The following MOBP variants were observed in gnomAD, a reference collection of about 807,000 sequenced individuals.
MOBP encodes the protein myelin-associated oligodendrocyte basic protein.
MOBP carries 5 observed loss-of-function variants against 15.0 expected under a neutral mutation model. The observed-to-expected ratio is 0.33, with a 90% CI of 0.17 to 0.70. The LOEUF is 0.70. Ranked by LOEUF, MOBP falls within the 30% of genes least tolerant of loss-of-function variation. The pLI is 0.67. For missense variants in MOBP, 188 were observed against 257.8 expected (o/e 0.73, Z 1.85); for synonymous variants, 88 against 99.0 (o/e 0.89, Z 0.66).
chr3:39,520,596 CAGAG>C (rs527921592), downstream of MOBP, among the ~76,000 whole-genome samples: 27 of 134,858 alleles, frequency 2.0e-4, no homozygotes, highest in African/African-American at 6.6e-4. Context: ...GAGAGAGAGA[CAGAG>C]AGAGAGAGAA....
intron 1 of MOBP, among the ~76,000 whole-genome samples, chr3:39,478,169 T>A (rs2125629168): frequency 6.6e-6 from 1 of 152,334 alleles, no homozygotes; most frequent in South Asian, 2.1e-4. Context: ...AACTTTTGGG[T>A]CTGCAAGCTC....
intron 1 of MOBP, among the ~76,000 whole-genome samples, chr3:39,477,067 C>T (rs953359986): frequency 1.3e-5 from 2 of 152,060 alleles, no homozygotes; most frequent in African/African-American, 4.8e-5. Flanking sequence ...TTTATCTTTG[C>T]ATTTACTTCT....
chr3:39,509,701 T>C lies in MOBP; in HGVS notation c.*-3682T>C, dbSNP rs74963376. Among the ~76,000 whole-genome samples, 1,153 of 152,290 alleles carry C rather than the reference T, an allele frequency of 7.6e-3. 7 individuals carry two copies. The highest frequency in any genetic ancestry group is 0.035 in the East Asian group (184 of 5,184). On this transcript the variant is annotated intron_variant, in intron 4 of 4. Transcript: ENST00000311042. ...CAGTGTTTTGTGAAGAGCCAAAGTT[T>C]TGACAAAGTCAAATTTATCAAATTT...
chr3:39,468,826 C>A (rs2042393151), intron 1 of MOBP, among the ~76,000 whole-genome samples: 1 of 104,816 alleles, frequency 9.5e-6, no homozygotes, highest in Non-Finnish European at 1.7e-5. Flanking sequence ...ATACATATTA[C>A]ATATGTGTGT....
At chr3:39,495,640 C>A (rs1158750031) in intron 2 of MOBP, among the ~76,000 whole-genome samples, 2 of 150,032 alleles carry the variant, frequency 1.3e-5, no homozygotes, top group Admixed American at 1.3e-4. Flanking sequence ...GTAGTCCCAG[C>A]TACTTGAGAG....
intron 1 of MOBP, among the ~76,000 whole-genome samples, chr3:39,468,190 G>A (rs59636868): frequency 0.021 from 3,148 of 152,014 alleles, 115 homozygotes; most frequent in African/African-American, 0.071. Flanking sequence ...ATTTATGTGT[G>A]GGGGATCTTA....
intron 1 of MOBP, among the ~76,000 whole-genome samples, chr3:39,477,517 T>A (rs2042560411): frequency 6.6e-6 from 1 of 152,002 alleles, no homozygotes; most frequent in African/African-American, 2.4e-5. Flanking sequence ...CAGTACATAA[T>A]ACTTGGTAAT....
intron 1 of MOBP, among the ~76,000 whole-genome samples, chr3:39,479,130 G>T (rs963214423): frequency 5.3e-5 from 8 of 152,004 alleles, no homozygotes; most frequent in African/African-American, 1.7e-4. Flanking sequence ...GCACGGCCCT[G>T]ATCATTTTTC....
At chr3:39,485,010 T>C (rs538452387) in intron 2 of MOBP, among the ~76,000 whole-genome samples, 32 of 152,360 alleles carry the variant, frequency 2.1e-4, no homozygotes, top group South Asian at 4.1e-4. Context: ...GACTCTCTTA[T>C]GTTTTCATTT....
At position 39,475,776 on chromosome 3, in the gene MOBP, C is replaced by T. The variant is rs1358128976; in HGVS notation, c.-88-4264C>T. Among the ~76,000 whole-genome samples, 3 of 152,140 alleles carry T rather than the reference C, an allele frequency of 2.0e-5. No homozygotes were observed. The South Asian group carries it at 6.2e-4, about 32-fold the overall frequency. The stretch of plus-strand genomic sequence containing the variant: ...CCCCTCTGAGCATTTTCTGACATCA[C>T]AATTTTTTCCAGGATAAACTTCTAT... On this transcript the variant is annotated intron_variant, in intron 1 of 3. Transcript: ENST00000684792.
At chr3:39,489,104 C>A (rs1406382448) in intron 2 of MOBP, among the ~76,000 whole-genome samples, 2 of 152,202 alleles carry the variant, frequency 1.3e-5, no homozygotes, top group Non-Finnish European at 2.9e-5. Flanking sequence ...TTGGAGACAT[C>A]AAGTCTCAAG....
intron 2 of MOBP, among the ~76,000 whole-genome samples, chr3:39,490,746 A>G (rs2042783107): frequency 6.6e-6 from 1 of 152,138 alleles, no homozygotes; most frequent in African/African-American, 2.4e-5. Flanking sequence ...TACTTTTAGT[A>G]GAGATGAGGT....
exon 4 of MOBP, chr3:39,524,268 C>A (rs2043302452): frequency 6.6e-6 from 1 of 152,226 alleles, no homozygotes. Flanking sequence ...ATCCCATTGT[C>A]TTCTGACCTC....
At chr3:39,514,840 G>A (rs1475894453) in exon 5 of MOBP, 13 of 152,072 alleles carry the variant, frequency 8.5e-5, no homozygotes, top group Non-Finnish European at 1.9e-4. Context: ...AACTAACCCC[G>A]ATCCTCACTC....
At chr3:39,518,572 C>T (rs1438077286), downstream of MOBP, among the ~76,000 whole-genome samples, 2 of 152,070 alleles carry the variant, frequency 1.3e-5, no homozygotes, top group African/African-American at 4.8e-5. Flanking sequence ...GAAACCATAC[C>T]AGGGTCAATA....
intron 2 of MOBP, among the ~76,000 whole-genome samples, chr3:39,494,545 G>A (rs943024496): frequency 6.6e-6 from 1 of 151,770 alleles, no homozygotes; most frequent in Non-Finnish European, 1.5e-5. Flanking sequence ...TTGTGAAAAC[G>A]TCATGCAGTG....
chr3:39,471,700 G>T (rs150470330), intron 1 of MOBP, among the ~76,000 whole-genome samples: 11 of 152,216 alleles, frequency 7.2e-5, no homozygotes, highest in Admixed American at 5.2e-4. Context: ...CTGGCATGCC[G>T]GCATGCCCCT....
At chr3:39,527,716 C>A (rs2043338655), downstream of MOBP, 1 of 152,280 alleles carries the variant, frequency 6.6e-6, no homozygotes, top group Non-Finnish European at 1.5e-5. Context: ...ACCTGGGCCT[C>A]CCAAAGTGCT....
chr3:39,481,163 GAAA>G (rs1212792470), intron 2 of MOBP, among the ~76,000 whole-genome samples: 1 of 152,170 alleles, frequency 6.6e-6, no homozygotes, highest in Non-Finnish European at 1.5e-5. Context: ...AGGCTGCTAA[GAAA>G]AACTAAAGAA....
Sources: gnomAD v4.1 joint callset for allele counts (sites outside exome capture counted in the v4.1 genomes callset) on GRCh38, gnomAD v4.1.1 for gene constraint, MANE v1.5 for transcripts, NCBI Gene and HGNC (gene_info 2026-07-23, HGNC 2026-07-21) for gene names.